Variants in SLC2A13 observed in about 807,000 individuals in gnomAD.
SLC2A13 encodes the protein solute carrier family 2 member 13, also known as proton myo-inositol cotransporter.
Under a neutral mutation model 64.4 loss-of-function variants are expected in SLC2A13, and 32 were observed. The ratio of observed to expected loss-of-function variants is 0.50; its 90% confidence interval spans 0.37 to 0.67. SLC2A13 has a LOEUF of 0.67. Ranked by LOEUF, SLC2A13 falls within the 30% of genes least tolerant of loss-of-function variation. The pLI is 0.00. For synonymous variants in SLC2A13, 338 were observed against 327.1 expected (o/e 1.03, Z -0.36); for missense variants, 743 against 829.2 (o/e 0.90, Z 1.28).
chr12:40,059,910 G>A (rs192083037), intron 1 of SLC2A13, among the ~76,000 whole-genome samples: 1 of 152,244 alleles, frequency 6.6e-6, no homozygotes, highest in Non-Finnish European at 1.5e-5. Flanking sequence ...TTAGAGTCCT[G>A]TCTTGGACAG....
chr12:39,764,451 T>A lies in SLC2A13; in HGVS notation c.1720+9A>T. 1 of 1,552,926 alleles carries A rather than the reference T, an allele frequency of 6.4e-7. No individual in the cohort carries two copies. The highest frequency in any genetic ancestry group is 8.7e-7 in the Non-Finnish European group (1 of 1,155,970). On this transcript the variant is annotated intron_variant, in intron 9 of 9. Transcript: ENST00000280871. Reference sequence around the variant, plus strand: ...AAACAAAACTATGTTAGAAAAAATATTATCTTACCATAGTATGTAAGATAC... The same window carrying A: ...AAACAAAACTATGTTAGAAAAAATAATATCTTACCATAGTATGTAAGATAC...
At chr12:39,871,679 T>A (rs559995456) in intron 5 of SLC2A13, 119 bp downstream of exon 5, 1 of 1,036,268 alleles carries the variant, frequency 9.7e-7, no homozygotes, top group South Asian at 2.9e-5. Context: ...CTCTAATTTT[T>A]TTGTTGTTTG....
chr12:39,833,887 G>A (rs1032594947), intron 6 of SLC2A13, among the ~76,000 whole-genome samples: 26 of 144,276 alleles, frequency 1.8e-4, no homozygotes, highest in South Asian at 8.7e-4. Context: ...TCTGAAGCAT[G>A]GTCATAAAAA....
At chr12:40,038,064 G>A (rs1948019951) in intron 2 of SLC2A13, among the ~76,000 whole-genome samples, 1 of 151,982 alleles carries the variant, frequency 6.6e-6, no homozygotes, top group South Asian at 2.1e-4. Flanking sequence ...TATTATTCTA[G>A]CTTCTTAACA....
chr12:39,833,042 T>G (rs954168493), intron 6 of SLC2A13, among the ~76,000 whole-genome samples: 1 of 152,146 alleles, frequency 6.6e-6, no homozygotes, highest in Non-Finnish European at 1.5e-5. Flanking sequence ...TCTTTACTTC[T>G]GCTTACATTT....
chr12:39,895,767 CATGT>C (rs1565526351), intron 4 of SLC2A13, among the ~76,000 whole-genome samples: 3 of 10,372 alleles, frequency 2.9e-4, no homozygotes, highest in Non-Finnish European at 6.7e-4. Context: ...TACGTACACA[CATGT>C]ATATGCGTGT....
chr12:40,001,351 A>T (rs1220785167), intron 3 of SLC2A13, among the ~76,000 whole-genome samples: 1 of 152,234 alleles, frequency 6.6e-6, no homozygotes, highest in African/African-American at 2.4e-5. Context: ...AATATTTCTG[A>T]TATTGATTTG....
chr12:39,896,072 A>C (rs1464470400), intron 4 of SLC2A13, among the ~76,000 whole-genome samples: 1 of 34,836 alleles, frequency 2.9e-5, no homozygotes, highest in Admixed American at 4.1e-4. Context: ...ACATATATGT[A>C]TACACGTGTA....
Position 40,105,418 on chromosome 12 carries a change from C to T in SLC2A13, c.391G>A (p.Ala131Thr). The T allele has an allele frequency of 6.5e-7, 1 of 1,548,922 alleles. No individual in the cohort carries two copies. Among genetic ancestry groups the T allele is most frequent in the Non-Finnish European group, 8.7e-7 (1 of 1,147,602 alleles). Residue 131 changes from alanine (A) to threonine (T), a missense_variant, in exon 1 of 10, where the codon GCT becomes ACT. Physicochemically the swap from Ala to Thr is moderately conservative, Grantham distance 58. This residue lies in a region of SLC2A13 where 448 missense variants were observed against 447.4 expected (regional missense o/e 1.00). Coordinates refer to ENST00000280871, the MANE Select transcript of SLC2A13 (RefSeq NM_052885.4). This position sits in a 1 kb window ranked among gnomAD's most constrained non-coding sequence, Gnocchi z 4.2. ...CCTCCGGCCAGCGCCGAGACGGCAGCCGCCCCCACCGTGCTGGACACCAGC... is the reference window on the plus strand; with the variant it reads ...CCTCCGGCCAGCGCCGAGACGGCAGTCGCCCCCACCGTGCTGGACACCAGC... The part of the protein sequence containing the change: ...ELLVSSTVGA[A>T]AVSALAGGAL...
intron 1 of SLC2A13, among the ~76,000 whole-genome samples, chr12:40,055,349 T>G (rs1163158401): frequency 1.3e-5 from 2 of 152,200 alleles, no homozygotes; most frequent in Non-Finnish European, 2.9e-5. Context: ...CATCAGCCTT[T>G]CAACTCAGTG....
chr12:39,826,553 A>G (rs931247135), intron 7 of SLC2A13, among the ~76,000 whole-genome samples: 57 of 151,040 alleles, frequency 3.8e-4, no homozygotes, highest in African/African-American at 1.3e-3. Context: ...TACTTGTAAC[A>G]TCTATATTTA....
At chr12:40,074,827 A>G (rs951104553) in intron 1 of SLC2A13, among the ~76,000 whole-genome samples, 2 of 152,180 alleles carry the variant, frequency 1.3e-5, no homozygotes, top group African/African-American at 4.8e-5. Context: ...AACACTCTAC[A>G]GTGTTATGAT....
chr12:39,908,028 C>T (rs923782015), intron 4 of SLC2A13: 3 of 152,046 alleles, frequency 2.0e-5, no homozygotes, highest in African/African-American at 7.3e-5. Flanking sequence ...ACCACAATTC[C>T]CTGGCCAGAA....
intron 7 of SLC2A13, among the ~76,000 whole-genome samples, chr12:39,796,639 A>G (rs1201838633): frequency 6.6e-6 from 1 of 152,096 alleles, no homozygotes; most frequent in Non-Finnish European, 1.5e-5. Flanking sequence ...AAGGAGAGGA[A>G]ACCCAGGCCT....
intron 1 of SLC2A13, among the ~76,000 whole-genome samples, chr12:40,065,957 T>C (rs1439896722): frequency 6.6e-6 from 1 of 152,214 alleles, no homozygotes; most frequent in Admixed American, 6.5e-5. Flanking sequence ...CAAGACTGTC[T>C]AATCCTAATA....
chr12:39,902,774 T>G (rs1945166139), intron 4 of SLC2A13, among the ~76,000 whole-genome samples: 1 of 152,146 alleles, frequency 6.6e-6, no homozygotes, highest in Non-Finnish European at 1.5e-5. Flanking sequence ...AATTTTATAT[T>G]TACATAGTTT....
chr12:39,858,428 AT>A (rs1943665869), intron 6 of SLC2A13, among the ~76,000 whole-genome samples: 1 of 152,100 alleles, frequency 6.6e-6, no homozygotes, highest in Non-Finnish European at 1.5e-5. Context: ...AAACAGATTC[AT>A]TTTATAGGAA....
At chr12:39,975,450 T>G (rs759425327) in intron 3 of SLC2A13, among the ~76,000 whole-genome samples, 1 of 152,234 alleles carries the variant, frequency 6.6e-6, no homozygotes, top group Non-Finnish European at 1.5e-5. Flanking sequence ...ATAAGGTTTG[T>G]TCAGTGATGA....
chr12:40,041,628 A>G (rs559433412), intron 2 of SLC2A13, among the ~76,000 whole-genome samples: 5 of 152,358 alleles, frequency 3.3e-5, no homozygotes, highest in Admixed American at 2.0e-4. Flanking sequence ...ATACAAGACT[A>G]GTATGCAGAA....
Sources: allele counts gnomAD v4.1 joint callset (sites outside exome capture counted in the v4.1 genomes callset), GRCh38; gene constraint gnomAD v4.1.1; regional missense constraint gnomAD v4.1.1; non-coding constraint Gnocchi (gnomAD v3.1); transcripts MANE v1.5; gene names NCBI Gene and HGNC (gene_info 2026-07-23, HGNC 2026-07-21).